Variants in HOOK3 observed in about 807,000 individuals in gnomAD.
The protein encoded by HOOK3 is protein Hook homolog 3.
HOOK3 carries 24 observed loss-of-function variants against 116.3 expected under a neutral mutation model. The ratio of observed to expected loss-of-function variants is 0.21; its 90% confidence interval spans 0.15 to 0.29. The LOEUF (loss-of-function observed/expected upper bound fraction) is 0.29, where lower values mean the gene tolerates loss of function less well. Among genes scored for constraint, HOOK3 ranks in the 10% least tolerant of loss-of-function variants. The pLI is 1.00. For missense variants in HOOK3, 632 were observed against 830.2 expected, an observed-to-expected ratio of 0.76 and a Z score of 2.93; for synonymous variants, 275 against 283.0, an observed-to-expected ratio of 0.97 and a Z score of 0.28.
At chr8:42,923,897 T>A (rs1315308579) in intron 2 of HOOK3, among the ~76,000 whole-genome samples, 3 of 152,200 alleles carry the variant, frequency 2.0e-5, no homozygotes, top group Admixed American at 2.0e-4. Context: ...TCAAAAATAA[T>A]CATAACAGAT....
At chr8:42,900,904 G>A (rs1159128948) in intron 1 of HOOK3, among the ~76,000 whole-genome samples, 3 of 152,190 alleles carry the variant, frequency 2.0e-5, no homozygotes, top group Non-Finnish European at 4.4e-5. Context: ...GGTCTGGGCT[G>A]GGCCTGAGAT....
At chr8:42,899,368 A>G (rs971791718) in intron 1 of HOOK3, among the ~76,000 whole-genome samples, 8 of 152,214 alleles carry the variant, frequency 5.3e-5, no homozygotes, top group East Asian at 1.9e-4. Context: ...TCTGGATAAG[A>G]TTAGAGATTA....
chr8:42,944,643 AC>A (rs1180573306), intron 5 of HOOK3, among the ~76,000 whole-genome samples: 1 of 151,728 alleles, frequency 6.6e-6, no homozygotes, highest in African/African-American at 2.4e-5. Flanking sequence ...AGATGGTGAA[AC>A]CCCATCTCTA....
At chr8:42,919,767 C>A (rs1008977319) in intron 2 of HOOK3, among the ~76,000 whole-genome samples, 1 of 152,144 alleles carries the variant, frequency 6.6e-6, no homozygotes, top group Admixed American at 6.5e-5. Flanking sequence ...ACGGTGAAAC[C>A]CTGTCTCCAC....
At position 42,983,792 on chromosome 8, in the gene HOOK3, A is replaced by G. The variant is rs547564799; in HGVS notation, c.1391+1096A>G. ...CACCCAGCCAGTTTCATTTATTTTTATGCATAACTAGCTTTATGTGTAAAA... is the reference window on the plus strand; with the variant it reads ...CACCCAGCCAGTTTCATTTATTTTTGTGCATAACTAGCTTTATGTGTAAAA... On this transcript the variant is annotated intron_variant, in intron 14 of 21. Transcript: ENST00000307602. Among the ~76,000 whole-genome samples the G allele has an allele frequency of 3.0e-4, 46 of 152,204 alleles. 1 individual carries two copies. The South Asian group carries it at 9.3e-3, about 31-fold the overall frequency.
chr8:42,999,885 G>A (rs1809346101), intron 16 of HOOK3, among the ~76,000 whole-genome samples: 1 of 152,134 alleles, frequency 6.6e-6, no homozygotes, highest in African/African-American at 2.4e-5. Flanking sequence ...AGTGGCTCAT[G>A]CCTGTAATCC....
Position 43,000,189 on chromosome 8 carries a change from C to T in HOOK3, c.1621-1918C>T, listed in dbSNP as rs971435626. ...ATCTTTTACTTCTGTTCATGAATTACTAAATCGTTGCTTCTCTTGGCTGCT... is the reference window on the plus strand; with the variant it reads ...ATCTTTTACTTCTGTTCATGAATTATTAAATCGTTGCTTCTCTTGGCTGCT... On this transcript the variant is annotated intron_variant, in intron 16 of 21. Coordinates refer to ENST00000307602, the MANE Select transcript of HOOK3 (RefSeq NM_032410.4). The T allele has an allele frequency of 3.5e-6, 3 of 853,500 alleles. No homozygotes were observed. In the African/African-American group the frequency reaches 5.3e-5, roughly 15 times the overall value. 52.9% of individuals were successfully genotyped at this position (853,500 alleles called of 1,614,324 possible). A position where few individuals can be genotyped will look rare whatever the true frequency, so the allele number is the denominator to read the frequency against.
chr8:43,007,816 G>T (rs372081494), intron 17 of HOOK3, 31 bp from the exon 18 acceptor site: 3 of 1,374,372 alleles, frequency 2.2e-6, no homozygotes, highest in African/African-American at 2.8e-5. Flanking sequence ...TACAGAAGCA[G>T]TAGTAGGTGA....
rs62515914 is a variant in HOOK3 at position 42,914,166 on chromosome 8, C to T, written c.143+7908C>T. Among the ~76,000 whole-genome samples the T allele has an allele frequency of 1.3e-3, 195 of 152,262 alleles. 1 individual carries two copies. The highest frequency in any genetic ancestry group is 4.6e-3 in the South Asian group (22 of 4,824). On this transcript the variant is annotated intron_variant, in intron 2 of 21. Transcript: ENST00000307602. ...AGCCACACCTTCATTTTTCCTAAAG[C>T]CCTATAATTTTGAATCTTGTGACAA...
At chr8:42,921,491 AT>A (rs1431422458) in intron 2 of HOOK3, among the ~76,000 whole-genome samples, 1 of 151,834 alleles carries the variant, frequency 6.6e-6, no homozygotes, top group Non-Finnish European at 1.5e-5. Context: ...TTTTCTTTTG[AT>A]TATCTATTTT....
intron 2 of HOOK3, among the ~76,000 whole-genome samples, chr8:42,920,395 A>G (rs1586591457): frequency 6.6e-6 from 1 of 152,262 alleles, no homozygotes; most frequent in African/African-American, 2.4e-5. Flanking sequence ...TTTACCAGGG[A>G]AAGTAATACT....
At chr8:42,966,657 G>A (rs995348654) in intron 10 of HOOK3, 44 bp downstream of exon 10, 8 of 1,594,030 alleles carry the variant, frequency 5.0e-6, no homozygotes, top group African/African-American at 1.3e-5. Flanking sequence ...TGGCTCTGGT[G>A]TTAGAAACTC....
In HOOK3 at chr8:42,943,426, G is replaced by T; in HGVS notation, c.381G>T (p.Val127=). ...TTCAGCTCATCTTAGGCTGTGCTGT[G>T]AACTGTGAACAGAAGCAAGGTAATT... ...RMLQLILGCA[V]NCEQKQEYIQ... is the part of the protein sequence containing the mutation. The change falls in exon 5 of 22, where the codon GTG becomes GTT. Residue 127 remains valine, a synonymous_variant. Coordinates refer to ENST00000307602, the MANE Select transcript of HOOK3 (RefSeq NM_032410.4). The T allele has an allele frequency of 6.7e-7, 1 of 1,492,118 alleles. No individual in the cohort carries two copies. The highest frequency in any genetic ancestry group is 9.0e-7 in the Non-Finnish European group (1 of 1,117,012). The allele number at this position is 1,492,118 out of a possible 1,614,324, so 92.4% of individuals were successfully genotyped here. A position where few individuals can be genotyped will look rare whatever the true frequency, so the allele number is the denominator to read the frequency against.
rs1362431066 is a variant in HOOK3 at position 42,959,322 on chromosome 8, AT to A, written c.615+11del. On this transcript the variant is annotated intron_variant, in intron 8 of 21. Transcript: ENST00000307602. ...CATGAACTGGATATGCAGGTAAGAG[AT>A]TTGTTCTGTGCACCACCTCTTTGAA... 10 of 1,585,212 alleles carry A rather than the reference AT, an allele frequency of 6.3e-6. No individual in the cohort carries two copies. The highest frequency in any genetic ancestry group is 1.3e-5 in the African/African-American group (1 of 74,334).
chr8:42,906,291 C>T (rs1426536191), intron 2 of HOOK3, 33 bp downstream of exon 2: 7 of 1,360,152 alleles, frequency 5.1e-6, no homozygotes, highest in African/African-American at 1.4e-5. Flanking sequence ...TATGTGTATT[C>T]TTATGCATGG....
chr8:42,906,087 CA>C (rs35347216), intron 1 of HOOK3, 85 bp from the exon 2 acceptor site: 68,988 of 385,498 alleles, frequency 0.18, 239 homozygotes, highest in Middle Eastern at 0.27. Flanking sequence ...ACTCCGTCTC[CA>C]AAAAAAAAAA....
chr8:42,960,079 T>C (rs1329204014), intron 8 of HOOK3, among the ~76,000 whole-genome samples: 1 of 152,262 alleles, frequency 6.6e-6, no homozygotes, highest in East Asian at 1.9e-4. Flanking sequence ...TTTCAGATTT[T>C]AGAATTTATA....
intron 1 of HOOK3, among the ~76,000 whole-genome samples, chr8:42,900,787 T>C (rs988952077): frequency 6.6e-6 from 1 of 152,262 alleles, no homozygotes; most frequent in Admixed American, 6.5e-5. Flanking sequence ...CATTGATATT[T>C]AACTTTATGT....
chr8:42,981,369 A>T (rs1196799861), intron 13 of HOOK3, among the ~76,000 whole-genome samples: 2 of 152,072 alleles, frequency 1.3e-5, no homozygotes, highest in Non-Finnish European at 1.5e-5. Context: ...AGTGTTTCTT[A>T]TAAATTACTG....
Sources: gnomAD v4.1 joint callset for allele counts (sites outside exome capture counted in the v4.1 genomes callset) on GRCh38, gnomAD v4.1.1 for gene constraint, MANE v1.5 for transcripts, NCBI Gene and HGNC (gene_info 2026-07-23, HGNC 2026-07-21) for gene names.